ANK3: variants seen among roughly 807,000 people sequenced by gnomAD.
ANK3 encodes the protein ankyrin-3.
A neutral mutation model predicts 370.9 loss-of-function variants in ANK3; 57 were observed. That is an observed-to-expected ratio of 0.15 (90% CI 0.12 to 0.19). The LOEUF is 0.19. Ranked by LOEUF, ANK3 falls within the 10% of genes least tolerant of loss-of-function variation. The pLI is 1.00. For synonymous variants in ANK3, 1,929 were observed against 1,946.3 expected (o/e 0.99, Z 0.23); for missense variants, 4,439 against 5,302.1 (o/e 0.84, Z 5.06).
chr10:60,433,808 T>C (rs2064092093), intron 2 of ANK3, among the ~76,000 whole-genome samples: 1 of 152,210 alleles, frequency 6.6e-6, no homozygotes, highest in Admixed American at 6.5e-5. Context: ...TCTTGATCTA[T>C]TTCCAAATTC....
At chr10:60,369,306 A>G (rs544883348) in intron 1 of ANK3, among the ~76,000 whole-genome samples, 2 of 152,324 alleles carry the variant, frequency 1.3e-5, no homozygotes, top group African/African-American at 4.8e-5. Flanking sequence ...TAAACAGTTT[A>G]TTGTTATGAG....
chr10:60,369,933 CAT>C (rs1163482918), intron 1 of ANK3, among the ~76,000 whole-genome samples: 2 of 152,100 alleles, frequency 1.3e-5, no homozygotes, highest in Non-Finnish European at 2.9e-5. Flanking sequence ...AAATTAGTCT[CAT>C]GGATTTTGGG....
intron 1 of ANK3, among the ~76,000 whole-genome samples, chr10:60,722,082 T>C (rs552174818): frequency 5.9e-5 from 9 of 152,106 alleles, no homozygotes; most frequent in Non-Finnish European, 1.3e-4. Context: ...TAAGTCTCCA[T>C]GGAGACTTAA....
chr10:60,332,780 TTGC>T (rs2051700631), intron 1 of ANK3, among the ~76,000 whole-genome samples: 2 of 152,216 alleles, frequency 1.3e-5, no homozygotes, highest in Admixed American at 6.5e-5. Flanking sequence ...GCCTCTGAAA[TTGC>T]TGCTATGTGG....
At chr10:60,281,137 C>T (rs1383374708) in intron 1 of ANK3, among the ~76,000 whole-genome samples, 1 of 152,168 alleles carries the variant, frequency 6.6e-6, no homozygotes, top group African/African-American at 2.4e-5. Flanking sequence ...TAAGAGTCAA[C>T]TTGCTCAGAA....
intron 2 of ANK3, among the ~76,000 whole-genome samples, chr10:60,592,529 G>A (rs1328304386): frequency 2.0e-5 from 3 of 152,194 alleles, no homozygotes; most frequent in African/African-American, 7.2e-5. Flanking sequence ...GGAGGCCAAG[G>A]CGGGTGGATC....
intron 1 of ANK3, among the ~76,000 whole-genome samples, chr10:60,640,097 A>G (rs947974618): frequency 6.6e-6 from 1 of 152,114 alleles, no homozygotes; most frequent in Non-Finnish European, 1.5e-5. Flanking sequence ...GAGAATAAAG[A>G]ATATTATCAT....
rs778904167 is a variant in ANK3, at chr10:60,389,417, A to G, written c.114+8T>C. 1.5e-5 allele frequency: 24 copies of G among 1,613,368 alleles called. No homozygotes were observed. The highest frequency in any genetic ancestry group is 5.5e-5 in the South Asian group (5 of 91,036). The stretch of plus-strand genomic sequence containing the variant: ...AGGCAAGATATATGCTCTGGCATAC[A>G]TAGATACCTTTTTCTTCCGATCCCG... On this transcript the variant is annotated splice_region_variant and intron_variant, in intron 1 of 43. Transcript: ENST00000280772.
At chr10:60,267,543 C>T (rs2097900448) in intron 5 of ANK3, among the ~76,000 whole-genome samples, 2 of 152,112 alleles carry the variant, frequency 1.3e-5, no homozygotes, top group South Asian at 4.2e-4. Context: ...AATATATATC[C>T]TTTGCTAAAA....
At chr10:60,083,229 T>C (rs889693531) in intron 33 of ANK3, among the ~76,000 whole-genome samples, 1 of 152,230 alleles carries the variant, frequency 6.6e-6, no homozygotes, top group Non-Finnish European at 1.5e-5. Context: ...CACATTGTAT[T>C]ACTCTAAATT....
intron 8 of ANK3, among the ~76,000 whole-genome samples, chr10:60,233,585 C>T (rs1204414864): frequency 1.3e-5 from 2 of 152,080 alleles, no homozygotes; most frequent in African/African-American, 4.8e-5. Flanking sequence ...GTGCATGCCA[C>T]CACTACCAGT....
intron 1 of ANK3, among the ~76,000 whole-genome samples, chr10:60,374,934 CA>C (rs2060569299): frequency 6.7e-6 from 1 of 150,212 alleles, no homozygotes; most frequent in African/African-American, 2.5e-5. Context: ...AATGAGGTTA[CA>C]AAAAAGGAGG....
chr10:60,544,142 C>T (rs1482374098), intron 2 of ANK3, among the ~76,000 whole-genome samples: 2 of 152,020 alleles, frequency 1.3e-5, no homozygotes, highest in African/African-American at 2.4e-5. Flanking sequence ...ATAGAAAACA[C>T]CGTCCAGAAG....
intron 1 of ANK3, among the ~76,000 whole-genome samples, chr10:60,702,555 TA>T (rs34669978): frequency 1.1e-4 from 16 of 150,912 alleles, no homozygotes; most frequent in East Asian, 7.8e-4. Context: ...TATTGGTGTG[TA>T]AAAAAAAATA....
At chr10:60,381,284 T>C (rs1210026122) in intron 1 of ANK3, among the ~76,000 whole-genome samples, 2 of 152,224 alleles carry the variant, frequency 1.3e-5, no homozygotes, top group Admixed American at 6.5e-5. Context: ...AAGGAATCAT[T>C]TGATACTTCC....
intron 7 of ANK3, among the ~76,000 whole-genome samples, chr10:60,240,215 C>CAT (rs374957165): frequency 1.9e-3 from 254 of 136,260 alleles, no homozygotes; most frequent in African/African-American, 6.5e-3. Context: ...TATATATACA[C>CAT]ATATATATAT....
At chr10:60,067,117 A>G (rs536816215) in intron 38 of ANK3, among the ~76,000 whole-genome samples, 2 of 152,068 alleles carry the variant, frequency 1.3e-5, no homozygotes, top group Non-Finnish European at 2.9e-5. Flanking sequence ...ACAGGGTTTC[A>G]CCATGTTGGG....
intron 18 of ANK3, among the ~76,000 whole-genome samples, chr10:60,175,987 C>T: frequency 6.6e-6 from 1 of 152,080 alleles, no homozygotes; most frequent in Admixed American, 6.5e-5. Context: ...CCTGGCATAT[C>T]ATCAGTGCTC....
intron 2 of ANK3, among the ~76,000 whole-genome samples, chr10:60,432,985 A>G (rs908190316): frequency 2.2e-4 from 33 of 152,168 alleles, no homozygotes; most frequent in Non-Finnish European, 4.4e-5. Context: ...GGTTGGCCAC[A>G]GCGATAGAGT....
Sources: gnomAD v4.1 joint callset for allele counts (sites outside exome capture counted in the v4.1 genomes callset) on GRCh38, gnomAD v4.1.1 for gene constraint, MANE v1.5 for transcripts, NCBI Gene and HGNC (gene_info 2026-07-23, HGNC 2026-07-21) for gene names.